Variants in MAGI1 observed in about 807,000 individuals in gnomAD.
MAGI1 encodes the protein membrane-associated guanylate kinase, WW and PDZ domain-containing protein 1.
A neutral mutation model predicts 139.9 loss-of-function variants in MAGI1; 58 were observed. That is an observed-to-expected ratio of 0.41 (90% CI 0.34 to 0.52). The LOEUF is 0.52. Ranked by LOEUF, MAGI1 falls within the 20% of genes least tolerant of loss-of-function variation. The pLI, the probability that MAGI1 is intolerant of heterozygous loss-of-function variation, is 0.12. For synonymous variants in MAGI1, 812 were observed against 737.9 expected (o/e 1.10, Z -1.63); for missense variants, 1,874 against 1,901.6 (o/e 0.99, Z 0.27).
chr3:65,613,843 G>GA (rs1165125182), intron 2 of MAGI1, among the ~76,000 whole-genome samples: 2 of 150,678 alleles, frequency 1.3e-5, no homozygotes, highest in Admixed American at 6.6e-5. Flanking sequence ...CTTGTTTAAA[G>GA]AAAAAAAAGA....
At chr3:65,360,418 C>T (rs1238261666) in intron 22 of MAGI1, 2 of 961,078 alleles carry the variant, frequency 2.1e-6, no homozygotes, top group African/African-American at 3.7e-5. Flanking sequence ...TTATCATATA[C>T]AATATTTTGC....
chr3:65,766,585 G>C (rs1007942913), intron 1 of MAGI1, among the ~76,000 whole-genome samples: 2 of 151,812 alleles, frequency 1.3e-5, no homozygotes, highest in African/African-American at 4.8e-5. Flanking sequence ...CTTAATCACA[G>C]TCATTATTAT....
chr3:65,798,074 G>A (rs933251965), intron 1 of MAGI1, among the ~76,000 whole-genome samples: 15 of 152,144 alleles, frequency 9.9e-5, no homozygotes, highest in Admixed American at 5.2e-4. Context: ...GGGAGGCCAA[G>A]GCAGGCAGAT....
At chr3:65,789,807 C>CA (rs2039641128) in intron 1 of MAGI1, among the ~76,000 whole-genome samples, 1 of 151,922 alleles carries the variant, frequency 6.6e-6, no homozygotes, top group Admixed American at 6.6e-5. Flanking sequence ...AAAACAGAAA[C>CA]AAAAAAAGTT....
At chr3:65,659,213 A>G (rs748793265) in intron 1 of MAGI1, among the ~76,000 whole-genome samples, 17 of 151,634 alleles carry the variant, frequency 1.1e-4, no homozygotes, top group African/African-American at 2.2e-4. Context: ...TTTCTGGAGG[A>G]AAAAAAAATG....
chr3:65,845,016 G>A (rs7651809), intron 1 of MAGI1, among the ~76,000 whole-genome samples: 15 of 152,026 alleles, frequency 9.9e-5, no homozygotes, highest in Non-Finnish European at 1.9e-4. Flanking sequence ...ACTTTGGGAG[G>A]CCGAGGTGGG....
chr3:65,794,024 G>A (rs2039961678), intron 1 of MAGI1, among the ~76,000 whole-genome samples: 1 of 152,118 alleles, frequency 6.6e-6, no homozygotes, highest in Admixed American at 6.5e-5. Context: ...GAGCAAGACA[G>A]CCACCATATC....
chr3:65,560,788 CAT>C (rs1576322769), intron 2 of MAGI1, among the ~76,000 whole-genome samples: 1 of 152,168 alleles, frequency 6.6e-6, no homozygotes, highest in East Asian at 1.9e-4. Flanking sequence ...CAACAAAAGA[CAT>C]GTGGCAAAAT....
chr3:65,994,222 C>T (rs576666708), intron 1 of MAGI1, among the ~76,000 whole-genome samples: 3 of 141,616 alleles, frequency 2.1e-5, no homozygotes, highest in Admixed American at 7.5e-5. Context: ...TGCAATGAGC[C>T]GAGATCACAC....
intron 1 of MAGI1, among the ~76,000 whole-genome samples, chr3:65,858,759 A>G (rs2059449003): frequency 6.6e-6 from 1 of 152,230 alleles, no homozygotes; most frequent in Non-Finnish European, 1.5e-5. Flanking sequence ...GGGTGAAACC[A>G]CAGTGCAATT....
At chr3:66,000,080 C>T (rs2066664063) in intron 1 of MAGI1, among the ~76,000 whole-genome samples, 1 of 149,708 alleles carries the variant, frequency 6.7e-6, no homozygotes, top group Non-Finnish European at 1.5e-5. Context: ...CCACGCCATT[C>T]TCCTGCCTCA....
chr3:65,440,022 A>G lies in MAGI1; in HGVS notation c.1137-10T>C, dbSNP rs769339776. 2 of 1,613,920 alleles carry G rather than the reference A, an allele frequency of 1.2e-6. No individual in the cohort carries two copies. Among genetic ancestry groups the G allele is most frequent in the South Asian group, 2.2e-5 (2 of 91,088 alleles). On this transcript the variant is annotated splice_polypyrimidine_tract_variant and intron_variant, in intron 8 of 22. Coordinates refer to ENST00000402939, the MANE Select transcript of MAGI1 (RefSeq NM_001033057.2). ...CTTCCTGTTGATGTGGCTGGGGAAG[A>G]TAGCAAATAGTATTCAGCTTGAAAC...
chr3:65,821,827 A>G (rs79549069), intron 1 of MAGI1, among the ~76,000 whole-genome samples: 16,157 of 152,274 alleles, frequency 0.11, 1,067 homozygotes, highest in South Asian at 0.29. Flanking sequence ...ACCAGAGGGC[A>G]GAGAGTGAGA....
chr3:65,665,253 G>T (rs573720389), intron 1 of MAGI1, among the ~76,000 whole-genome samples: 5 of 152,262 alleles, frequency 3.3e-5, no homozygotes, highest in African/African-American at 9.6e-5. Context: ...TGTGAATTCG[G>T]TGTTAATGAA....
chr3:65,591,305 A>T (rs1350427031), intron 2 of MAGI1, among the ~76,000 whole-genome samples: 1 of 152,098 alleles, frequency 6.6e-6, no homozygotes, highest in Non-Finnish European at 1.5e-5. Context: ...TCATGTTAAA[A>T]AGCAAAAAAC....
intron 1 of MAGI1, among the ~76,000 whole-genome samples, chr3:65,822,181 A>C (rs901631497): frequency 3.3e-5 from 5 of 152,200 alleles, no homozygotes; most frequent in African/African-American, 1.2e-4. Context: ...GAAGGTCAGG[A>C]AGGAGGGGAG....
intron 1 of MAGI1, chr3:65,873,500 G>A (rs1363969103): frequency 6.6e-6 from 1 of 152,164 alleles, no homozygotes. Context: ...ATCTGAGCAA[G>A]GGCTTCATGC....
chr3:65,637,543 C>A (rs750012176), intron 1 of MAGI1, among the ~76,000 whole-genome samples: 4 of 138,928 alleles, frequency 2.9e-5, no homozygotes, highest in East Asian at 2.1e-4. Context: ...GACATTGAGA[C>A]CCTGTCTCCA....
At chr3:65,430,268 A>T in intron 11 of MAGI1, 128 bp from the exon 12 acceptor site, 1 of 911,504 alleles carries the variant, frequency 1.1e-6, no homozygotes, top group Non-Finnish European at 1.7e-6. Flanking sequence ...TAGGGTATAA[A>T]GTGCTTCTAT....
Sources: allele counts gnomAD v4.1 joint callset (sites outside exome capture counted in the v4.1 genomes callset), GRCh38; gene constraint gnomAD v4.1.1; transcripts MANE v1.5; gene names NCBI Gene and HGNC (gene_info 2026-07-23, HGNC 2026-07-21).